The following CYP26B1 variants were observed in gnomAD, a reference collection of about 807,000 sequenced individuals.
CYP26B1 encodes the protein cytochrome P450 family 26 subfamily B member 1.
Under a neutral mutation model 39.1 loss-of-function variants are expected in CYP26B1, and 8 were observed. The observed-to-expected ratio is 0.20, with a 90% CI of 0.12 to 0.37. CYP26B1 has a LOEUF of 0.37. Ranked by LOEUF, CYP26B1 falls within the 10% of genes least tolerant of loss-of-function variation. CYP26B1 has a pLI of 1.00. For missense variants in CYP26B1, 615 were observed against 707.0 expected, an observed-to-expected ratio of 0.87 and a Z score of 1.48; for synonymous variants, 321 against 314.3, an observed-to-expected ratio of 1.02 and a Z score of -0.23.
At chr2:72,143,904 G>T in intron 2 of CYP26B1, 85 bp downstream of exon 2, 1 of 1,492,006 alleles carries the variant, frequency 6.7e-7, no homozygotes, top group Non-Finnish European at 9.2e-7. Context: ...CACAGATTCG[G>T]TAGGGGACAT....
rs1435810659 is a variant in CYP26B1, at chr2:72,129,713, G to C, written c.*2514C>G. 1 of 152,532 alleles carries C rather than the reference G, an allele frequency of 6.6e-6. No individual in the cohort carries two copies. Among genetic ancestry groups the C allele is most frequent in the Non-Finnish European group, 1.5e-5 (1 of 68,034 alleles). The allele number at this position is 152,532 out of a possible 1,614,324, so 9.4% of individuals were successfully genotyped here. On this transcript the variant is annotated 3_prime_UTR_variant, in exon 6 of 6. Coordinates refer to ENST00000001146, the MANE Select transcript of CYP26B1 (RefSeq NM_019885.4). ...AACGCCAGCGCCCAACATCGAAAGT[G>C]CTTCAATCTGCAAGCCCGTGGCAGG...
chr2:72,138,522 G>A (rs1029120401), intron 2 of CYP26B1, among the ~76,000 whole-genome samples: 1 of 152,224 alleles, frequency 6.6e-6, no homozygotes, highest in African/African-American at 2.4e-5. Context: ...AGCCACGACT[G>A]CTTTGTTTCC....
intron 5 of CYP26B1, 129 bp from the exon 6 acceptor site, chr2:72,132,748 T>TGGCC (rs1161246099): frequency 6.7e-6 from 10 of 1,481,744 alleles, no homozygotes; most frequent in Non-Finnish European, 9.0e-6. Flanking sequence ...CACCCCACTG[T>TGGCC]GGCCCCCAAG....
intron 2 of CYP26B1, among the ~76,000 whole-genome samples, chr2:72,137,884 G>A (rs944920966): frequency 1.3e-5 from 2 of 152,202 alleles, no homozygotes; most frequent in Non-Finnish European, 2.9e-5. Flanking sequence ...CCTGAGGCTG[G>A]GGCTTCTAAA....
At position 72,131,035 on chromosome 2, in the gene CYP26B1, G is replaced by C. The variant is rs1250877132; in HGVS notation, c.*1192C>G. On this transcript the variant is annotated 3_prime_UTR_variant, in exon 6 of 6. Coordinates refer to ENST00000001146, the MANE Select transcript of CYP26B1 (RefSeq NM_019885.4). ...AAAGGGGGAGAGTTAAGGAAGGGAA[G>C]ACGGAGGCCCTTGCTCCCCGTCAGA... 1 of 152,764 alleles carries C rather than the reference G, an allele frequency of 6.5e-6. No homozygotes were observed. Among genetic ancestry groups the C allele is most frequent in the Non-Finnish European group, 1.5e-5 (1 of 68,164 alleles). The allele number at this position is 152,764 out of a possible 1,614,324, so 9.5% of individuals were successfully genotyped here.
chr2:72,146,936 C>G (rs982371254), intron 1 of CYP26B1, among the ~76,000 whole-genome samples: 3 of 152,154 alleles, frequency 2.0e-5, no homozygotes, highest in Non-Finnish European at 4.4e-5. Flanking sequence ...CTCTATGGAT[C>G]CCACACTCAC....
In CYP26B1 at chr2:72,147,611, C is replaced by G; in HGVS notation, c.204+20G>C. On this transcript the variant is annotated intron_variant, in intron 1 of 5. Coordinates refer to ENST00000001146, the MANE Select transcript of CYP26B1 (RefSeq NM_019885.4). The surrounding 1 kb of genome is among the most constrained non-coding windows in gnomAD (Gnocchi z 6.1). ...GCAGCTAGCGGACCCCGGAGTGCAG[C>G]GGAGCGAGCGCGCCCTTACCTGCAG... 1.9e-6 allele frequency: 3 copies of G among 1,599,310 alleles called. No homozygotes were observed. Among genetic ancestry groups the G allele is most frequent in the African/African-American group, 1.4e-5 (1 of 74,014 alleles).
At chr2:72,138,346 TGGGGCAGAGGGCGGCCAG>T in intron 2 of CYP26B1, among the ~76,000 whole-genome samples, 1 of 151,942 alleles carries the variant, frequency 6.6e-6, no homozygotes, top group East Asian at 1.9e-4. Context: ...AGGCGCAGGC[TGGGGCAGAGGGCGGCCAG>T]GGCGGCGTCA....
chr2:72,141,739 G>C (rs971508680), intron 2 of CYP26B1, among the ~76,000 whole-genome samples: 1 of 152,260 alleles, frequency 6.6e-6, no homozygotes, highest in Admixed American at 6.5e-5. Flanking sequence ...GTGGCCCTGA[G>C]TGTTCTAGTC....
At chr2:72,138,912 C>T (rs1676856873) in intron 2 of CYP26B1, among the ~76,000 whole-genome samples, 1 of 152,208 alleles carries the variant, frequency 6.6e-6, no homozygotes, top group South Asian at 2.1e-4. Context: ...CTCGTGAAGG[C>T]TCAGATTCCC....
intron 1 of CYP26B1, among the ~76,000 whole-genome samples, chr2:72,145,457 G>A (rs1001585321): frequency 6.6e-6 from 1 of 152,166 alleles, no homozygotes; most frequent in African/African-American, 2.4e-5. Context: ...CAGGCTGGAA[G>A]GCGGGGATAA....
intron 1 of CYP26B1, among the ~76,000 whole-genome samples, chr2:72,145,335 G>A (rs911606647): frequency 1.3e-5 from 2 of 152,202 alleles, no homozygotes; most frequent in African/African-American, 4.8e-5. Context: ...AGAACCCGGA[G>A]CCCTAATCAC....
chr2:72,132,582 C>G lies in CYP26B1; in HGVS notation c.1184G>C (p.Ser395Thr). The change falls in exon 6 of 6, where the codon AGC becomes ACC. Residue 395 changes from serine (S) to threonine (T), a missense_variant. By Grantham distance (58) the Ser-to-Thr change is moderately conservative. Transcript: ENST00000001146. Reference protein sequence around the residue: ...QIPKGWSVMYSIRDTHDTAPV... With the variant: ...QIPKGWSVMYTIRDTHDTAPV... Reference sequence around the variant, plus strand: ...CGCTGTGTCATGGGTGTCCCGGATGCTATACATGACACTCCAGCCTTTGGG... The same window carrying G: ...CGCTGTGTCATGGGTGTCCCGGATGGTATACATGACACTCCAGCCTTTGGG... 6.2e-7 allele frequency: 1 copy of G among 1,611,540 alleles called. No individual in the cohort carries two copies. Among genetic ancestry groups the G allele is most frequent in the Non-Finnish European group, 8.5e-7 (1 of 1,178,922 alleles).
At chr2:72,139,985 GTCCTGCAGCTGCT>G (rs1308938454) in intron 2 of CYP26B1, among the ~76,000 whole-genome samples, 1 of 152,222 alleles carries the variant, frequency 6.6e-6, no homozygotes, top group Non-Finnish European at 1.5e-5. Context: ...ATGTCTCAGG[GTCCTGCAGCTGCT>G]TCCTTTTAGG....
intron 2 of CYP26B1, among the ~76,000 whole-genome samples, chr2:72,142,355 C>A (rs995214245): frequency 6.6e-6 from 1 of 152,184 alleles, no homozygotes; most frequent in Non-Finnish European, 1.5e-5. Context: ...CACTGTCCAC[C>A]CCAGCTTCCA....
chr2:72,147,746 T>A lies in CYP26B1; in HGVS notation c.89A>T (p.Gln30Leu). 6.3e-7 allele frequency: 1 copy of A among 1,590,774 alleles called. No individual in the cohort carries two copies. The highest frequency in any genetic ancestry group is 8.5e-7 in the Non-Finnish European group (1 of 1,169,706). ...GGCCCAGCGCAGCTGCCACAGCTGC[T>A]GCGACACGGCCAGCAGCAGCGTCAC... ...VSVTLLLAVS[Q>L]QLWQLRWAAT... is the part of the protein sequence containing the mutation. Residue 30 changes from glutamine to leucine, a missense_variant, in exon 1 of 6, where the codon CAG (glutamine) becomes CTG (leucine). By Grantham distance (113) the Gln-to-Leu change is moderately radical. Transcript: ENST00000001146. The surrounding 1 kb of genome is among the most constrained non-coding windows in gnomAD (Gnocchi z 6.1).
At chr2:72,143,329 C>T (rs1011480701) in intron 2 of CYP26B1, among the ~76,000 whole-genome samples, 2 of 150,618 alleles carry the variant, frequency 1.3e-5, no homozygotes. Context: ...TCCAGTCGCT[C>T]GGGAAATCCA....
intron 4 of CYP26B1, among the ~76,000 whole-genome samples, chr2:72,133,524 A>AACTGCTGTGACCGAGGGCAGAAGC (rs1208570620): frequency 6.6e-5 from 10 of 152,242 alleles, no homozygotes; most frequent in Non-Finnish European, 1.3e-4. Flanking sequence ...CAGAAGACAC[A>AACTGCTGTGACCGAGGGCAGAAGC]ACTGCTGTGA....
At chr2:72,140,553 G>C (rs1382553030) in intron 2 of CYP26B1, among the ~76,000 whole-genome samples, 4 of 152,204 alleles carry the variant, frequency 2.6e-5, no homozygotes, top group African/African-American at 9.6e-5. Flanking sequence ...TGGTGGACAT[G>C]ACTGTGTAGC....
Sources: allele counts gnomAD v4.1 joint callset (sites outside exome capture counted in the v4.1 genomes callset), GRCh38; gene constraint gnomAD v4.1.1; non-coding constraint Gnocchi (gnomAD v3.1); transcripts MANE v1.5; gene names NCBI Gene and HGNC (gene_info 2026-07-23, HGNC 2026-07-21).